Variants in GCGR observed in about 807,000 individuals in gnomAD.
GCGR encodes the protein glucagon receptor.
In GCGR, 41 loss-of-function variants were observed where a neutral mutation model predicts 56.1. The ratio of observed to expected loss-of-function variants is 0.73; its 90% CI spans 0.57 to 0.95. GCGR has a LOEUF of 0.95. Ranked by LOEUF, GCGR falls within the 40% of genes least tolerant of loss-of-function variation. The pLI is 0.00. For synonymous variants in GCGR, 278 were observed against 271.1 expected (o/e 1.03, Z -0.25); for missense variants, 595 against 638.2 (o/e 0.93, Z 0.73).
In GCGR at chr17:81,809,883, G is replaced by T; in HGVS notation, c.162G>T (p.Thr54=). 1 of 1,532,474 alleles carries T rather than the reference G, an allele frequency of 6.5e-7. No homozygotes were observed. Among genetic ancestry groups the T allele is most frequent in the Non-Finnish European group, 8.7e-7 (1 of 1,143,384 alleles). The allele number at this position is 1,532,474 out of a possible 1,614,324, so 94.9% of individuals were successfully genotyped here. A position where few individuals can be genotyped will look rare whatever the true frequency, so the allele number is the denominator to read the frequency against. Residue 54 remains threonine (T), a splice_region_variant and synonymous_variant, in exon 3 of 14, where the codon ACG becomes ACT. Transcript: ENST00000400723. ...HHNLSLLPPP[T]ELVCNRTFDK... Reference sequence around the variant, plus strand: ...ACCTGAGCCTGCTGCCCCCTCCCACGGGTGAGCCCCCCACCCAGAGCCTTT... The same window carrying T: ...ACCTGAGCCTGCTGCCCCCTCCCACTGGTGAGCCCCCCACCCAGAGCCTTT...
chr17:81,809,107 A>G (rs760417275), intron 2 of GCGR, 29 bp downstream of exon 2: 4 of 1,533,088 alleles, frequency 2.6e-6, no homozygotes, highest in Non-Finnish European at 2.6e-6. Flanking sequence ...CTCAGCACCC[A>G]GGGGCCCTCC....
In GCGR at chr17:81,806,285, G is replaced by A. The variant is rs1214857165; in HGVS notation, c.-178+2036G>A. Reference sequence around the variant, plus strand: ...CCTGCCTCACTATCAGAGACCCAGTGGAGAATTGCCTCCCACCTCACCTCT... The same window carrying A: ...CCTGCCTCACTATCAGAGACCCAGTAGAGAATTGCCTCCCACCTCACCTCT... On this transcript the variant is annotated intron_variant, in intron 1 of 13. Coordinates refer to ENST00000400723, the MANE Select transcript of GCGR (RefSeq NM_000160.5). This position sits in a 1 kb window ranked among gnomAD's most constrained non-coding sequence, Gnocchi z 6.5. 6.6e-6 allele frequency among the ~76,000 whole-genome samples: 1 copy of A among 152,128 alleles called. No individual in the cohort carries two copies. Among genetic ancestry groups the A allele is most frequent in the Non-Finnish European group, 1.5e-5 (1 of 68,008 alleles).
chr17:81,810,144 C>T lies in GCGR; in HGVS notation c.163+260C>T. 3.6e-6 allele frequency: 2 copies of T among 561,984 alleles called. No individual in the cohort carries two copies. The highest frequency in any genetic ancestry group is 3.8e-5 in the South Asian group (2 of 52,330). 34.8% of individuals were successfully genotyped at this position (561,984 alleles called of 1,614,324 possible). ...CCCAGAACCGGCTGCTGCTGCTGCCCCCAGGCCCAGATGGGTAATACCACC... is the reference window on the plus strand; with the variant it reads ...CCCAGAACCGGCTGCTGCTGCTGCCTCCAGGCCCAGATGGGTAATACCACC... On this transcript the variant is annotated intron_variant, in intron 3 of 13. Transcript: ENST00000400723. The surrounding 1 kb of genome is among the most constrained non-coding windows in gnomAD (Gnocchi z 4.6).
rs909423839 is a variant in GCGR at position 81,804,646 on chromosome 17, G to A, written c.-178+397G>A. 1.3e-5 allele frequency among the ~76,000 whole-genome samples: 2 copies of A among 152,156 alleles called. No homozygotes were observed. Among genetic ancestry groups the A allele is most frequent in the Non-Finnish European group, 1.5e-5 (1 of 67,962 alleles). On this transcript the variant is annotated intron_variant, in intron 1 of 13. Transcript: ENST00000400723. This position sits in a 1 kb window ranked among gnomAD's most constrained non-coding sequence, Gnocchi z 8.2. ...AGCGCCGCGGACGCGTCCCCGAGGC[G>A]CGGGGTCTCACCAGCGCTGTCTCCC...
At chr17:81,808,755 G>A (rs1465645547) in intron 1 of GCGR, 87 bp from the exon 2 acceptor site, 24 of 551,614 alleles carry the variant, frequency 4.4e-5, no homozygotes, top group East Asian at 3.7e-4. Flanking sequence ...TCCAGACCTC[G>A]TGATCCACCC....
Position 81,807,871 on chromosome 17 carries a change from G to A in GCGR, c.-177-971G>A, listed in dbSNP as rs142313569. On this transcript the variant is annotated intron_variant, in intron 1 of 13. Coordinates refer to ENST00000400723, the MANE Select transcript of GCGR (RefSeq NM_000160.5). ...AACTCCCAGCTCAGATGCTGGCTGTGGCATGGGGACCAGGGGCTGTGACTC... is the reference window on the plus strand; with the variant it reads ...AACTCCCAGCTCAGATGCTGGCTGTAGCATGGGGACCAGGGGCTGTGACTC... 3.3e-3 allele frequency among the ~76,000 whole-genome samples: 505 copies of A among 152,358 alleles called. 3 individuals carry two copies. The highest frequency in any genetic ancestry group is 0.012 in the African/African-American group (493 of 41,588).
At chr17:81,809,402 T>TCTGCCTGTCCGTCTGC (rs1238330668) in intron 2 of GCGR, among the ~76,000 whole-genome samples, 6 of 137,180 alleles carry the variant, frequency 4.4e-5, no homozygotes, top group East Asian at 2.3e-4. Flanking sequence ...CGTCTGCCTG[T>TCTGCCTGTCCGTCTGC]CTGCCTGTCC....
rs1409000021 is a variant in GCGR, at chr17:81,811,654, GTGGC to G, written c.668_671del (p.Gly223AlafsTer93). Reference sequence around the variant, plus strand: ...GCTCACACTGCACCTGTACCAGGCGGTGGCTGGCTGCCGTGTGGCCGCGGTGTTC... The same window carrying G: ...GCTCACACTGCACCTGTACCAGGCGGTGGCTGCCGTGTGGCCGCGGTGTTC... On this transcript the variant is annotated frameshift_variant, in exon 8 of 14. Transcript: ENST00000400723. LOFTEE classifies it high-confidence loss of function. This position sits in a 1 kb window ranked among gnomAD's most constrained non-coding sequence, Gnocchi z 5.8. 2.6e-6 allele frequency: 4 copies of G among 1,536,384 alleles called. No individual in the cohort carries two copies.
Position 81,813,763 on chromosome 17 carries a change from C to A in GCGR, c.*74C>A, listed in dbSNP as rs1009733929. The A allele has an allele frequency of 8.5e-6, 12 of 1,416,044 alleles. No individual in the cohort carries two copies. Among genetic ancestry groups the A allele is most frequent in the Non-Finnish European group, 1.0e-5 (11 of 1,055,828 alleles). The allele number at this position is 1,416,044 out of a possible 1,614,324, so 87.7% of individuals were successfully genotyped here. On this transcript the variant is annotated 3_prime_UTR_variant, in exon 14 of 14. Coordinates refer to ENST00000400723, the MANE Select transcript of GCGR (RefSeq NM_000160.5). The surrounding 1 kb of genome is among the most constrained non-coding windows in gnomAD (Gnocchi z 5.3). Reference sequence around the variant, plus strand: ...TCGCTGGACAACCCAGAACTGGACGCCCAGCTGAGGCTGGGGGCGGGGGAG... The same window carrying A: ...TCGCTGGACAACCCAGAACTGGACGACCAGCTGAGGCTGGGGGCGGGGGAG...
chr17:81,808,923 A>G lies in GCGR; in HGVS notation c.-96A>G. The stretch of plus-strand genomic sequence containing the variant: ...CCCAGGCTCTGCTGCTCTGCCACTC[A>G]GCTGCCCTCGGAGGAGCGTACACAC... On this transcript the variant is annotated 5_prime_UTR_variant, in exon 2 of 14. Transcript: ENST00000400723. 6.9e-7 allele frequency: 1 copy of G among 1,449,588 alleles called. No homozygotes were observed. Among genetic ancestry groups the G allele is most frequent in the South Asian group, 1.2e-5 (1 of 82,262 alleles). The allele number at this position is 1,449,588 out of a possible 1,614,324, so 89.8% of individuals were successfully genotyped here. A position where few individuals can be genotyped will look rare whatever the true frequency, so the allele number is the denominator to read the frequency against.
rs377510210 is a variant in GCGR, at chr17:81,813,730, A to G, written c.*41A>G. The G allele has an allele frequency of 9.2e-6, 14 of 1,520,232 alleles. No individual in the cohort carries two copies. The African/African-American group carries it at 1.4e-4, about 15-fold the overall frequency. The allele number at this position is 1,520,232 out of a possible 1,614,324, so 94.2% of individuals were successfully genotyped here. ...CAGCTAGGGCTGGACTCTGGCACCC[A>G]GAGGGCGTCGCTGGACAACCCAGAA... On this transcript the variant is annotated 3_prime_UTR_variant, in exon 14 of 14. Coordinates refer to ENST00000400723, the MANE Select transcript of GCGR (RefSeq NM_000160.5). The surrounding 1 kb of genome is among the most constrained non-coding windows in gnomAD (Gnocchi z 5.3).
intron 2 of GCGR, 124 bp from the exon 3 acceptor site, chr17:81,809,654 CCTGT>C (rs370243345): frequency 0.16 from 112,070 of 697,290 alleles, 9,495 homozygotes; most frequent in Admixed American, 0.22. Flanking sequence ...TGCCTGTCTG[CCTGT>C]CTGTCTGCCT....
In GCGR at chr17:81,810,972, A is replaced by C; in HGVS notation, c.272-38A>C. On this transcript the variant is annotated intron_variant, in intron 4 of 13. Transcript: ENST00000400723. The surrounding 1 kb of genome is among the most constrained non-coding windows in gnomAD (Gnocchi z 4.6). Reference sequence around the variant, plus strand: ...GAGGAACTGTGGGGGGGGCGGGCCCAGGGTGGGGCTGACCCCAGCCTCCCC... The same window carrying C: ...GAGGAACTGTGGGGGGGGCGGGCCCCGGGTGGGGCTGACCCCAGCCTCCCC... 1 of 1,200,522 alleles carries C rather than the reference A, an allele frequency of 8.3e-7. No homozygotes were observed. The highest frequency in any genetic ancestry group is 1.1e-6 in the Non-Finnish European group (1 of 876,972). 74.4% of individuals were successfully genotyped at this position (1,200,522 alleles called of 1,614,324 possible).
Position 81,809,032 on chromosome 17 carries a change from A to C in GCGR, c.14A>C (p.Gln5Pro), listed in dbSNP as rs1271734930. The C allele has an allele frequency of 9.1e-6, 14 of 1,535,994 alleles. No individual in the cohort carries two copies. In the Admixed American group the frequency reaches 1.2e-4, roughly 13 times the overall value. The part of the protein sequence containing the change: MPPC[Q>P]PQRPLLLLLL... ...CTGCCCAGAGGCATGCCCCCCTGCC[A>C]GCCACAGCGACCCCTGCTGCTGTTG... is the stretch of plus-strand genomic sequence containing the variant. Residue 5 changes from glutamine to proline, a missense_variant, in exon 2 of 14, where the codon CAG becomes CCG. By Grantham distance (76) the Gln-to-Pro change is moderately conservative. Transcript: ENST00000400723.
In GCGR at chr17:81,812,324, A is replaced by T. The variant is rs2038119725; in HGVS notation, c.948+72A>T. The T allele has an allele frequency of 4.7e-6, 7 of 1,482,780 alleles. No individual in the cohort carries two copies. The highest frequency in any genetic ancestry group is 6.4e-6 in the Non-Finnish European group (7 of 1,100,496). 91.9% of individuals were successfully genotyped at this position (1,482,780 alleles called of 1,614,324 possible). On this transcript the variant is annotated intron_variant, in intron 10 of 13. Coordinates refer to ENST00000400723, the MANE Select transcript of GCGR (RefSeq NM_000160.5). The surrounding 1 kb of genome is among the most constrained non-coding windows in gnomAD (Gnocchi z 8.5). ...TGGCGTCCTGAGGCTGCCCCAGGAG[A>T]CAGCAGCATCCTGTCTGAGAGCGCT...
At chr17:81,809,990 G>A (rs368731011) in intron 3 of GCGR, 106 bp downstream of exon 3, 24 of 844,818 alleles carry the variant, frequency 2.8e-5, no homozygotes, top group African/African-American at 1.2e-4. Flanking sequence ...TGAGGACCCC[G>A]CCAAGGGGCC....
At position 81,806,531 on chromosome 17, in the gene GCGR, G is replaced by A. The variant is rs944521012; in HGVS notation, c.-178+2282G>A. Among the ~76,000 whole-genome samples, 3 of 152,154 alleles carry A rather than the reference G, an allele frequency of 2.0e-5. No homozygotes were observed. Among genetic ancestry groups the A allele is most frequent in the East Asian group, 1.9e-4 (1 of 5,190 alleles). On this transcript the variant is annotated intron_variant, in intron 1 of 13. Coordinates refer to ENST00000400723, the MANE Select transcript of GCGR (RefSeq NM_000160.5). The surrounding 1 kb of genome is among the most constrained non-coding windows in gnomAD (Gnocchi z 6.5). ...GGACTGGGCAGCCAACCCCTCCCTCGGCTCGCTGGGGTCTCCAGACTGGCT... is the reference window on the plus strand; with the variant it reads ...GGACTGGGCAGCCAACCCCTCCCTCAGCTCGCTGGGGTCTCCAGACTGGCT...
In GCGR at chr17:81,811,392, C is replaced by T. The variant is rs1402152121; in HGVS notation, c.501-12C>T. 8.5e-6 allele frequency: 13 copies of T among 1,536,118 alleles called. No individual in the cohort carries two copies. The highest frequency in any genetic ancestry group is 1.1e-5 in the Non-Finnish European group (13 of 1,146,780). On this transcript the variant is annotated splice_polypyrimidine_tract_variant and intron_variant, in intron 6 of 13. Coordinates refer to ENST00000400723, the MANE Select transcript of GCGR (RefSeq NM_000160.5). The surrounding 1 kb of genome is among the most constrained non-coding windows in gnomAD (Gnocchi z 5.8). The stretch of plus-strand genomic sequence containing the variant: ...AGGGAGGAGGACGGGCGCTGACTGG[C>T]TGTGCCCACAGCAAGCTGCACTGCA...
At position 81,804,443 on chromosome 17, in the gene GCGR, CG is replaced by C. The variant is rs2037904343; in HGVS notation, c.-178+196del. Among the ~76,000 whole-genome samples the C allele has an allele frequency of 6.6e-6, 1 of 151,844 alleles. No homozygotes were observed. The highest frequency in any genetic ancestry group is 1.5e-5 in the Non-Finnish European group (1 of 67,904). On this transcript the variant is annotated intron_variant, in intron 1 of 13. Transcript: ENST00000400723. This position sits in a 1 kb window ranked among gnomAD's most constrained non-coding sequence, Gnocchi z 8.2. Reference sequence around the variant, plus strand: ...TCCCAACCCCGGCTCGGACACCACCCGGTCCTGCACCGTCGGGCAGGTCCAG... The same window carrying C: ...TCCCAACCCCGGCTCGGACACCACCCGTCCTGCACCGTCGGGCAGGTCCAG...
Sources: allele counts gnomAD v4.1 joint callset (sites outside exome capture counted in the v4.1 genomes callset), GRCh38; gene constraint gnomAD v4.1.1; non-coding constraint Gnocchi (gnomAD v3.1); transcripts MANE v1.5; gene names NCBI Gene and HGNC (gene_info 2026-07-23, HGNC 2026-07-21).